Variants in DLG2 observed in about 807,000 individuals in gnomAD.
DLG2 encodes disks large homolog 2.
Under a neutral mutation model 132.5 loss-of-function variants are expected in DLG2, and 45 were observed. The observed-to-expected ratio is 0.34, with a 90% CI of 0.27 to 0.44. The LOEUF (loss-of-function observed/expected upper bound fraction) is 0.44, where lower values mean the gene tolerates loss of function less well. Among genes scored for constraint, DLG2 ranks in the 20% least tolerant of loss-of-function variants. DLG2 has a pLI of 1.00. For synonymous variants in DLG2, 424 were observed against 419.6 expected (o/e 1.01, Z -0.13); for missense variants, 1,045 against 1,196.9 (o/e 0.87, Z 1.87).
intron 3 of DLG2, among the ~76,000 whole-genome samples, chr11:85,539,112 A>G (rs557855282): frequency 1.3e-5 from 2 of 152,046 alleles, no homozygotes; most frequent in East Asian, 1.9e-4. Context: ...AAGGAATGCC[A>G]CACATGGATC....
At chr11:85,383,047 A>T (rs1488379461) in intron 3 of DLG2, among the ~76,000 whole-genome samples, 1 of 152,166 alleles carries the variant, frequency 6.6e-6, no homozygotes, top group Non-Finnish European at 1.5e-5. Context: ...TGGCAGTATT[A>T]TTCATAATAG....
chr11:85,556,097 A>T (rs112367883), intron 3 of DLG2, among the ~76,000 whole-genome samples: 9 of 151,964 alleles, frequency 5.9e-5, no homozygotes, highest in African/African-American at 2.2e-4. Flanking sequence ...CCACCTCTAC[A>T]ACATAAAGAT....
intron 18 of DLG2, among the ~76,000 whole-genome samples, chr11:83,711,133 C>T (rs1367872823): frequency 6.6e-6 from 1 of 152,084 alleles, no homozygotes; most frequent in East Asian, 1.9e-4. Flanking sequence ...TCAAAGAATG[C>T]AATTCAAAAT....
intron 18 of DLG2, among the ~76,000 whole-genome samples, chr11:83,771,588 A>G (rs1336199727): frequency 1.3e-5 from 2 of 152,188 alleles, no homozygotes; most frequent in Non-Finnish European, 2.9e-5. Flanking sequence ...TGAATACTCT[A>G]GGCAACTGTA....
chr11:84,717,670 T>G (rs2061376596), intron 6 of DLG2, among the ~76,000 whole-genome samples: 1 of 152,068 alleles, frequency 6.6e-6, no homozygotes, highest in South Asian at 2.1e-4. Context: ...ATGATTGATT[T>G]CTTAATAAAG....
intron 6 of DLG2, among the ~76,000 whole-genome samples, chr11:84,867,336 C>G (rs1051231180): frequency 4.6e-5 from 7 of 152,178 alleles, no homozygotes; most frequent in African/African-American, 1.7e-4. Context: ...GGAGTATGGA[C>G]TCCTTTAGCT....
intron 7 of DLG2, among the ~76,000 whole-genome samples, chr11:84,311,405 A>G (rs1484496900): frequency 6.6e-6 from 1 of 152,208 alleles, no homozygotes; most frequent in East Asian, 1.9e-4. Flanking sequence ...TCCCTGCAAC[A>G]TGAATTTATT....
intron 5 of DLG2, among the ~76,000 whole-genome samples, chr11:85,145,567 A>G (rs1029445795): frequency 6.6e-6 from 1 of 151,726 alleles, no homozygotes; most frequent in Non-Finnish European, 1.5e-5. Flanking sequence ...CCTGTCTTCA[A>G]TCTCACCAAC....
intron 7 of DLG2, among the ~76,000 whole-genome samples, chr11:84,455,431 A>G (rs542607086): frequency 6.6e-6 from 1 of 151,208 alleles, no homozygotes; most frequent in South Asian, 2.1e-4. Flanking sequence ...TTGATTTTCT[A>G]CTCTATTTTC....
chr11:84,213,840 A>G (rs2096792521), intron 8 of DLG2, among the ~76,000 whole-genome samples: 1 of 151,006 alleles, frequency 6.6e-6, no homozygotes, highest in Admixed American at 6.6e-5. Context: ...AAAAAAAGAA[A>G]AAAAAAAAGG....
Position 85,295,991 on chromosome 11 carries a change from G to T in DLG2, c.41-10626C>A, listed in dbSNP as rs181946571. On this transcript the variant is annotated intron_variant, in intron 3 of 27. Transcript: ENST00000376104. ...TAAGCCAGGAGACAAACATTAAAGA[G>T]GATGCTACAAATTGACTCTATTGGC... is the stretch of plus-strand genomic sequence containing the variant. 5.3e-5 allele frequency among the ~76,000 whole-genome samples: 8 copies of T among 152,230 alleles called. No individual in the cohort carries two copies. The East Asian group carries it at 1.4e-3, about 26-fold the overall frequency.
chr11:84,547,302 C>T (rs1592075643), intron 6 of DLG2, among the ~76,000 whole-genome samples: 1 of 152,114 alleles, frequency 6.6e-6, no homozygotes, highest in African/African-American at 2.4e-5. Context: ...TTTTCAAATT[C>T]TCTAACTGCA....
At chr11:84,152,663 G>A (rs1051948762) in intron 9 of DLG2, among the ~76,000 whole-genome samples, 8 of 152,088 alleles carry the variant, frequency 5.3e-5, no homozygotes, top group Admixed American at 5.2e-4. Context: ...TGGGATTACA[G>A]GCGTAAGCCA....
chr11:85,355,106 A>G (rs2083592633), intron 3 of DLG2, among the ~76,000 whole-genome samples: 1 of 152,090 alleles, frequency 6.6e-6, no homozygotes, highest in South Asian at 2.1e-4. Flanking sequence ...TAATACATGA[A>G]ATTTTTGTGG....
intron 8 of DLG2, among the ~76,000 whole-genome samples, chr11:84,249,333 G>T (rs1245514118): frequency 6.6e-6 from 1 of 152,164 alleles, no homozygotes; most frequent in Non-Finnish European, 1.5e-5. Context: ...AAATCTGCAT[G>T]TATCAGGGGA....
In DLG2 at chr11:85,519,712, A is replaced by C. The variant is rs943815091; in HGVS notation, c.40+78945T>G. Among the ~76,000 whole-genome samples the C allele has an allele frequency of 2.0e-5, 3 of 152,112 alleles. No homozygotes were observed. The East Asian group carries it at 5.8e-4, about 29-fold the overall frequency. ...TTTGGGAGGGGTCAGGGGTGGAATA[A>C]TATGGTTTGGCTCATCCAAATCTCA... On this transcript the variant is annotated intron_variant, in intron 3 of 27. Transcript: ENST00000376104.
At chr11:83,703,879 C>T (rs2083413498) in intron 18 of DLG2, among the ~76,000 whole-genome samples, 1 of 151,914 alleles carries the variant, frequency 6.6e-6, no homozygotes, top group Admixed American at 6.6e-5. Flanking sequence ...GTGTCACTTC[C>T]CTATTATGGA....
chr11:84,704,913 C>T (rs2059626722), intron 6 of DLG2, among the ~76,000 whole-genome samples: 1 of 148,190 alleles, frequency 6.7e-6, no homozygotes, highest in Non-Finnish European at 1.5e-5. Flanking sequence ...CATATATATA[C>T]ATTATGTATA....
At chr11:83,803,800 T>A (rs139914421) in intron 17 of DLG2, among the ~76,000 whole-genome samples, 1 of 152,092 alleles carries the variant, frequency 6.6e-6, no homozygotes. Flanking sequence ...TCCAGAGACA[T>A]ATCTGTCAAA....
Sources: allele counts gnomAD v4.1 joint callset (sites outside exome capture counted in the v4.1 genomes callset), GRCh38; gene constraint gnomAD v4.1.1; transcripts MANE v1.5; gene names NCBI Gene and HGNC (gene_info 2026-07-23, HGNC 2026-07-21).